CCSER1: variants seen among roughly 807,000 people sequenced by gnomAD.
CCSER1 encodes serine-rich coiled-coil domain-containing protein 1.
A neutral mutation model predicts 82.0 loss-of-function variants in CCSER1; 41 were observed. That is an observed-to-expected ratio of 0.50 (90% CI 0.39 to 0.65). CCSER1 has a LOEUF of 0.65. Ranked by LOEUF, CCSER1 falls within the 30% of genes least tolerant of loss-of-function variation. CCSER1 has a pLI of 0.00. For synonymous variants in CCSER1, 414 were observed against 383.9 expected, an observed-to-expected ratio of 1.08 and a Z score of -0.92; for missense variants, 1,119 against 1,064.2, an observed-to-expected ratio of 1.05 and a Z score of -0.72.
At chr4:91,485,501 A>G (rs113397155) in intron 10 of CCSER1, among the ~76,000 whole-genome samples, 1,888 of 152,274 alleles carry the variant, frequency 0.012, 17 homozygotes, top group African/African-American at 0.026. Context: ...AGCATGTATT[A>G]TTGAAGAAAC....
chr4:91,599,139 T>C lies in CCSER1; in HGVS notation c.*82T>C, dbSNP rs2110362848. 1.5e-6 allele frequency: 2 copies of C among 1,375,738 alleles called. No homozygotes were observed. Among genetic ancestry groups the C allele is most frequent in the East Asian group, 2.5e-5 (1 of 39,464 alleles). The allele number at this position is 1,375,738 out of a possible 1,614,324, so 85.2% of individuals were successfully genotyped here. A position where few individuals can be genotyped will look rare whatever the true frequency, so the allele number is the denominator to read the frequency against. ...CATAGTTCATATTAAAATTGTCATGTACTTTTTCTTACATTTTAGTTATAA... is the reference window on the plus strand; with the variant it reads ...CATAGTTCATATTAAAATTGTCATGCACTTTTTCTTACATTTTAGTTATAA... On this transcript the variant is annotated 3_prime_UTR_variant, in exon 11 of 11. Coordinates refer to ENST00000509176, the MANE Select transcript of CCSER1 (RefSeq NM_001145065.2).
intron 1 of CCSER1, among the ~76,000 whole-genome samples, chr4:90,250,280 G>T (rs188928975): frequency 1.0e-3 from 152 of 152,054 alleles, no homozygotes; most frequent in Admixed American, 2.0e-3. Context: ...ATTTGGCATT[G>T]TATCTAAGAA....
chr4:91,401,600 C>T (rs960336124), intron 10 of CCSER1, among the ~76,000 whole-genome samples: 4 of 151,908 alleles, frequency 2.6e-5, no homozygotes, highest in African/African-American at 4.8e-5. Flanking sequence ...ACCATGTGTC[C>T]AAGTGTTCTC....
chr4:90,964,691 T>A (rs868322747), intron 9 of CCSER1, among the ~76,000 whole-genome samples: 3 of 138,700 alleles, frequency 2.2e-5, no homozygotes. Flanking sequence ...TGCCACTGCA[T>A]TCCAGCCTGG....
intron 9 of CCSER1, among the ~76,000 whole-genome samples, chr4:90,942,913 A>C (rs965670605): frequency 6.8e-6 from 1 of 147,584 alleles, no homozygotes; most frequent in Non-Finnish European, 1.5e-5. Flanking sequence ...TATTATATAT[A>C]AAATGTATAT....
chr4:90,412,274 A>G (rs763700858), intron 4 of CCSER1, among the ~76,000 whole-genome samples: 15 of 132,100 alleles, frequency 1.1e-4, no homozygotes, highest in Non-Finnish European at 2.0e-4. Flanking sequence ...ATGAGAACAC[A>G]TGGACACAGG....
chr4:90,698,643 CCTGA>C (rs1223262318), intron 6 of CCSER1, among the ~76,000 whole-genome samples: 1 of 152,118 alleles, frequency 6.6e-6, no homozygotes, highest in East Asian at 1.9e-4. Context: ...ATGTATTGAA[CCTGA>C]ATTTGGGACA....
chr4:90,878,173 G>T (rs1001347558), intron 8 of CCSER1, among the ~76,000 whole-genome samples: 5 of 152,048 alleles, frequency 3.3e-5, no homozygotes, highest in African/African-American at 9.7e-5. Flanking sequence ...AGCCACAGCT[G>T]TATGTTCCAA....
At chr4:90,746,027 C>T (rs973595053) in intron 7 of CCSER1, among the ~76,000 whole-genome samples, 3 of 152,090 alleles carry the variant, frequency 2.0e-5, no homozygotes, top group African/African-American at 7.2e-5. Flanking sequence ...ATGTTTCCAA[C>T]TCCTATGCCT....
At chr4:91,100,681 T>C (rs553512435) in intron 10 of CCSER1, among the ~76,000 whole-genome samples, 8 of 152,340 alleles carry the variant, frequency 5.3e-5, no homozygotes, top group African/African-American at 1.9e-4. Context: ...ACTTATGGCA[T>C]TGTTTATTGA....
chr4:91,406,675 A>G (rs556228704), intron 10 of CCSER1, among the ~76,000 whole-genome samples: 137 of 152,366 alleles, frequency 9.0e-4, no homozygotes, highest in African/African-American at 3.1e-3. Context: ...TTCCTGGTAC[A>G]TAAATAAAAG....
intron 8 of CCSER1, among the ~76,000 whole-genome samples, chr4:90,832,844 A>T (rs1761305082): frequency 6.6e-6 from 1 of 152,194 alleles, no homozygotes; most frequent in African/African-American, 2.4e-5. Context: ...TCCATAGAAA[A>T]ATTACTAAGC....
intron 5 of CCSER1, among the ~76,000 whole-genome samples, chr4:90,596,964 A>G (rs190997485): frequency 1.5e-3 from 233 of 152,112 alleles, no homozygotes; most frequent in African/African-American, 4.8e-3. Context: ...ACATTTAAAA[A>G]CTTACAGCTA....
chr4:91,368,461 T>A (rs988470192), intron 10 of CCSER1, among the ~76,000 whole-genome samples: 4 of 152,182 alleles, frequency 2.6e-5, no homozygotes, highest in Non-Finnish European at 5.9e-5. Context: ...CTGAATATTG[T>A]TTCTGTAATT....
In CCSER1 at chr4:91,592,363, A is replaced by G. The variant is rs144135377; in HGVS notation, c.2218-6209A>G. Among the ~76,000 whole-genome samples, 410 of 152,274 alleles carry G rather than the reference A, an allele frequency of 2.7e-3. 1 individual carries two copies. Among genetic ancestry groups the G allele is most frequent in the African/African-American group, 9.4e-3 (391 of 41,572 alleles). ...TCCCATGACATGTGGGGATTACGGG[A>G]ACTACAACTCAAGATGAGATTTGGC... On this transcript the variant is annotated intron_variant, in intron 10 of 10. Transcript: ENST00000509176.
chr4:91,123,989 C>T (rs1727298306), intron 10 of CCSER1, among the ~76,000 whole-genome samples: 1 of 151,644 alleles, frequency 6.6e-6, no homozygotes, highest in Non-Finnish European at 1.5e-5. Context: ...AGCTCATATC[C>T]ACTGTGAGCA....
At chr4:90,669,955 T>C (rs1732498045) in intron 6 of CCSER1, among the ~76,000 whole-genome samples, 1 of 152,122 alleles carries the variant, frequency 6.6e-6, no homozygotes. Context: ...GCTTTTAGAT[T>C]GGATTATCTT....
intron 10 of CCSER1, among the ~76,000 whole-genome samples, chr4:91,119,672 C>CTA (rs762168537): frequency 2.0e-5 from 3 of 151,740 alleles, no homozygotes; most frequent in South Asian, 4.2e-4. Context: ...GGGCTATTTA[C>CTA]TATGTATATA....
intron 7 of CCSER1, among the ~76,000 whole-genome samples, chr4:90,731,911 A>C (rs997552244): frequency 6.6e-6 from 1 of 152,172 alleles, no homozygotes; most frequent in African/African-American, 2.4e-5. Context: ...AAGTGGGTAC[A>C]GTCAGACTGA....
Sources: allele counts gnomAD v4.1 joint callset (sites outside exome capture counted in the v4.1 genomes callset), GRCh38; gene constraint gnomAD v4.1.1; transcripts MANE v1.5; gene names NCBI Gene and HGNC (gene_info 2026-07-23, HGNC 2026-07-21).